The following DNAH12 variants were observed in gnomAD, a reference collection of about 807,000 sequenced individuals.
DNAH12 encodes the protein dynein axonemal heavy chain 12.
A neutral mutation model predicts 371.5 loss-of-function variants in DNAH12; 285 were observed. That is an observed-to-expected ratio of 0.77 (90% CI 0.70 to 0.85). DNAH12 has a LOEUF of 0.85. DNAH12 is among the 40% of genes least tolerant of loss of function. The pLI, the probability that DNAH12 is intolerant of heterozygous loss-of-function variation, is 0.00. For missense variants in DNAH12, 3,611 were observed against 3,689.4 expected, an observed-to-expected ratio of 0.98 and a Z score of 0.55; for synonymous variants, 1,200 against 1,213.0, an observed-to-expected ratio of 0.99 and a Z score of 0.22.
At chr3:57,426,017 G>C (rs910602489) in intron 34 of DNAH12, among the ~76,000 whole-genome samples, 3 of 152,130 alleles carry the variant, frequency 2.0e-5, no homozygotes, top group Non-Finnish European at 4.4e-5. Context: ...ACGGGAGAGA[G>C]ATACACCAAA....
intron 60 of DNAH12, among the ~76,000 whole-genome samples, chr3:57,337,534 C>G (rs2153310339): frequency 6.6e-6 from 1 of 152,272 alleles, no homozygotes; most frequent in East Asian, 1.9e-4. Context: ...TGACGTATGC[C>G]TGTAATCCCA....
chr3:57,346,248 G>T (rs1320335420), intron 60 of DNAH12, among the ~76,000 whole-genome samples: 1 of 152,054 alleles, frequency 6.6e-6, no homozygotes, highest in African/African-American at 2.4e-5. Flanking sequence ...AATGTATTTG[G>T]TGACTATAGC....
chr3:57,369,162 G>A (rs926201365), intron 55 of DNAH12, among the ~76,000 whole-genome samples: 2 of 149,140 alleles, frequency 1.3e-5, no homozygotes, highest in Non-Finnish European at 3.0e-5. Context: ...AGAGATTGCA[G>A]TGAGCTAAGA....
intron 62 of DNAH12, among the ~76,000 whole-genome samples, chr3:57,329,535 T>TC (rs531303368): frequency 0.024 from 3,336 of 137,566 alleles, 61 homozygotes; most frequent in Middle Eastern, 0.036. Context: ...CTGGATCCCT[T>TC]CCTTACACCT....
chr3:57,395,282 G>A (rs2063714233), intron 43 of DNAH12, among the ~76,000 whole-genome samples: 1 of 151,978 alleles, frequency 6.6e-6, no homozygotes, highest in Admixed American at 6.6e-5. Context: ...CTACCATCAG[G>A]CTCTCTCTCA....
rs146177633 is a variant in DNAH12, at chr3:57,474,931, G to T, written c.1651-2260C>A. The stretch of plus-strand genomic sequence containing the variant: ...GCAGAGGTTGCAGTGAGCTGGGATC[G>T]CGCCATTGCACTCCAGCCTAGCGAC... On this transcript the variant is annotated intron_variant, in intron 13 of 73. Coordinates refer to ENST00000495027, the MANE Select transcript of DNAH12 (RefSeq NM_001366028.2). Among the ~76,000 whole-genome samples the T allele has an allele frequency of 3.3e-5, 5 of 151,044 alleles. No homozygotes were observed. In the East Asian group the frequency reaches 9.8e-4, roughly 30 times the overall value.
chr3:57,470,439 T>C lies in DNAH12; in HGVS notation c.2105+4A>G, dbSNP rs1179246300. The stretch of plus-strand genomic sequence containing the variant: ...TTGATTTTTATTACATTACCAGCAA[T>C]TACCGTTTTTCTGATCGCTGCCACT... On this transcript the variant is annotated splice_donor_region_variant and intron_variant, in intron 16 of 73. Coordinates refer to ENST00000495027, the MANE Select transcript of DNAH12 (RefSeq NM_001366028.2). The C allele has an allele frequency of 2.7e-6, 4 of 1,503,572 alleles. No individual in the cohort carries two copies. The East Asian group carries it at 7.5e-5, about 28-fold the overall frequency. The allele number at this position is 1,503,572 out of a possible 1,614,324, so 93.1% of individuals were successfully genotyped here.
In DNAH12 at chr3:57,429,834, A is replaced by G. The variant is rs1425547599; in HGVS notation, c.4981-60T>C. On this transcript the variant is annotated intron_variant, in intron 32 of 73. Transcript: ENST00000495027. ...AAAATTTCAAGTTTCTCAGATAAAAATTTATACTATGTATAAAATAAAGTA... is the reference window on the plus strand; with the variant it reads ...AAAATTTCAAGTTTCTCAGATAAAAGTTTATACTATGTATAAAATAAAGTA... 2.2e-6 allele frequency: 3 copies of G among 1,371,206 alleles called. No individual in the cohort carries two copies. In the South Asian group the frequency reaches 4.5e-5, roughly 21 times the overall value. 84.9% of individuals were successfully genotyped at this position (1,371,206 alleles called of 1,614,324 possible). A position where few individuals can be genotyped will look rare whatever the true frequency, so the allele number is the denominator to read the frequency against.
intron 60 of DNAH12, among the ~76,000 whole-genome samples, chr3:57,341,148 A>G (rs1209437015): frequency 4.0e-5 from 6 of 151,190 alleles, no homozygotes; most frequent in African/African-American, 1.5e-4. Context: ...AAGGCTATAT[A>G]AGACAAACCC....
chr3:57,434,005 A>G (rs1304288208), intron 30 of DNAH12, among the ~76,000 whole-genome samples, 177 bp from the exon 31 acceptor site: 1 of 152,240 alleles, frequency 6.6e-6, no homozygotes, highest in Non-Finnish European at 1.5e-5. Flanking sequence ...CTACAAATCA[A>G]ATTCTTCACT....
chr3:57,535,529 T>A (rs1317650812), intron 2 of DNAH12, among the ~76,000 whole-genome samples: 2 of 152,084 alleles, frequency 1.3e-5, no homozygotes, highest in Non-Finnish European at 2.9e-5. Flanking sequence ...CTATTTTTTT[T>A]ATATTTTATT....
At chr3:57,295,168 GAC>G (rs2061207569) in intron 73 of DNAH12, among the ~76,000 whole-genome samples, 1 of 152,184 alleles carries the variant, frequency 6.6e-6, no homozygotes, top group South Asian at 2.1e-4. Flanking sequence ...ACTAGCGGGA[GAC>G]TGTGTCAAGC....
At chr3:57,533,181 C>G (rs1409002546) in intron 2 of DNAH12, among the ~76,000 whole-genome samples, 2 of 148,672 alleles carry the variant, frequency 1.3e-5, no homozygotes, top group East Asian at 4.1e-4. Flanking sequence ...AAGGGCTCTT[C>G]AATCAGTTTG....
chr3:57,545,529 A>AT (rs2069506765), upstream of DNAH12, among the ~76,000 whole-genome samples: 1 of 150,760 alleles, frequency 6.6e-6, no homozygotes, highest in African/African-American at 2.4e-5. Context: ...GTTAGGGTTT[A>AT]TTTTTTAGAG....
chr3:57,404,434 G>A (rs981441047), intron 42 of DNAH12, among the ~76,000 whole-genome samples: 6 of 152,054 alleles, frequency 3.9e-5, no homozygotes, highest in African/African-American at 7.2e-5. Context: ...CAAAAGTTTC[G>A]GCCAGGTGTG....
chr3:57,451,943 AG>A (rs1392599509), intron 25 of DNAH12, among the ~76,000 whole-genome samples: 1 of 152,212 alleles, frequency 6.6e-6, no homozygotes, highest in East Asian at 1.9e-4. Flanking sequence ...AATGTATAAA[AG>A]TCAAAAGGTC....
At chr3:57,399,087 T>A (rs1037897037) in intron 43 of DNAH12, among the ~76,000 whole-genome samples, 1 of 152,164 alleles carries the variant, frequency 6.6e-6, no homozygotes. Flanking sequence ...TGAAGTTAGG[T>A]TGTTAGCAGT....
At chr3:57,518,817 T>C (rs575003041) in intron 4 of DNAH12, among the ~76,000 whole-genome samples, 4 of 152,314 alleles carry the variant, frequency 2.6e-5, no homozygotes, top group Non-Finnish European at 2.9e-5. Context: ...TCTCATTTTT[T>C]TGACACGTTG....
intron 59 of DNAH12, among the ~76,000 whole-genome samples, chr3:57,356,636 C>T (rs1363250614): frequency 2.0e-5 from 3 of 151,896 alleles, no homozygotes; most frequent in African/African-American, 7.3e-5. Context: ...AAAGTTAATC[C>T]TTCCATGCCT....
Sources: allele counts gnomAD v4.1 joint callset (sites outside exome capture counted in the v4.1 genomes callset), GRCh38; gene constraint gnomAD v4.1.1; transcripts MANE v1.5; gene names NCBI Gene and HGNC (gene_info 2026-07-23, HGNC 2026-07-21).